The following SMC5 variants were observed in gnomAD, a reference collection of about 807,000 sequenced individuals.
SMC5 encodes structural maintenance of chromosomes 5.
Under a neutral mutation model 148.3 loss-of-function variants are expected in SMC5, and 88 were observed. The ratio of observed to expected loss-of-function variants is 0.59; its 90% CI spans 0.50 to 0.71. The LOEUF (loss-of-function observed/expected upper bound fraction) is 0.71, where lower values mean the gene tolerates loss of function less well. SMC5 is among the 30% of genes least tolerant of loss of function. SMC5 has a pLI of 0.00. For synonymous variants in SMC5, 421 were observed against 432.8 expected, an observed-to-expected ratio of 0.97 and a Z score of 0.34; for missense variants, 1,142 against 1,298.9, an observed-to-expected ratio of 0.88 and a Z score of 1.86.
Position 70,308,437 on chromosome 9 carries a change from C to CA in SMC5, c.1578+3083dup, listed in dbSNP as rs2035563717. Among the ~76,000 whole-genome samples the CA allele has an allele frequency of 5.3e-5, 8 of 151,624 alleles. No individual in the cohort carries two copies. In the South Asian group the frequency reaches 1.5e-3, roughly 28 times the overall value. ...TGAAACCCTGTGTCTACTAAAAATA[C>CA]AAAAAATTAGCCGGGCGTGGTGGCA... On this transcript the variant is annotated intron_variant, in intron 11 of 24. Transcript: ENST00000361138.
At chr9:70,317,788 TTTAAAAA>T (rs1196510199) in intron 13 of SMC5, among the ~76,000 whole-genome samples, 1 of 152,192 alleles carries the variant, frequency 6.6e-6, no homozygotes, top group Non-Finnish European at 1.5e-5. Flanking sequence ...TCTAAAAAAC[TTTAAAAA>T]TAAGAAAAGG....
At chr9:70,286,523 A>G (rs1204071814) in intron 8 of SMC5, among the ~76,000 whole-genome samples, 1 of 152,138 alleles carries the variant, frequency 6.6e-6, no homozygotes, top group African/African-American at 2.4e-5. Flanking sequence ...TTTTAATAGG[A>G]TAATGGTGGA....
intron 8 of SMC5, among the ~76,000 whole-genome samples, chr9:70,290,239 C>G (rs956494349): frequency 2.0e-5 from 3 of 152,118 alleles, no homozygotes; most frequent in African/African-American, 7.2e-5. Context: ...ATAAAGAGTT[C>G]TCTTTTGACT....
At chr9:70,261,321 G>C (rs2034124799) in intron 1 of SMC5, among the ~76,000 whole-genome samples, 1 of 152,178 alleles carries the variant, frequency 6.6e-6, no homozygotes, top group Non-Finnish European at 1.5e-5. Flanking sequence ...GATTTAGAAA[G>C]GGTGCAAGAT....
At chr9:70,309,547 C>G (rs1288370575) in intron 11 of SMC5, among the ~76,000 whole-genome samples, 2 of 151,998 alleles carry the variant, frequency 1.3e-5, no homozygotes, top group East Asian at 3.9e-4. Context: ...AGCAGTGTTC[C>G]CAGCATCTTC....
intron 2 of SMC5, among the ~76,000 whole-genome samples, chr9:70,265,577 A>G (rs2034268709): frequency 6.6e-6 from 1 of 152,242 alleles, no homozygotes; most frequent in Non-Finnish European, 1.5e-5. Context: ...AAAGTCTGTT[A>G]GAATGGAGAA....
intron 22 of SMC5, among the ~76,000 whole-genome samples, chr9:70,348,853 G>A (rs1158820198): frequency 6.6e-6 from 1 of 152,096 alleles, no homozygotes; most frequent in African/African-American, 2.4e-5. Flanking sequence ...ATCCCACTTT[G>A]GGAGGCCAAG....
intron 19 of SMC5, 62 bp downstream of exon 19, chr9:70,346,711 G>C (rs928990633): frequency 6.4e-7 from 1 of 1,572,456 alleles, no homozygotes; most frequent in Non-Finnish European, 8.7e-7. Context: ...CTCCTCCCTA[G>C]CCATTTGCTT....
At position 70,259,084 on chromosome 9, in the gene SMC5, G is replaced by A; in HGVS notation, c.6G>A (p.Ala2=). Residue 2 remains alanine, a synonymous_variant, in exon 1 of 25, where the codon GCG becomes GCA. Coordinates refer to ENST00000361138, the MANE Select transcript of SMC5 (RefSeq NM_015110.4). M[A]TPSKKTSTPS... is the part of the protein sequence containing the mutation. The stretch of plus-strand genomic sequence containing the variant: ...GGGACGCTGAGGAAGCCAGGATGGC[G>A]ACTCCGAGCAAGAAGACGTCAACTC... The A allele has an allele frequency of 1.9e-6, 3 of 1,603,780 alleles. No homozygotes were observed. The highest frequency in any genetic ancestry group is 2.6e-6 in the Non-Finnish European group (3 of 1,174,382).
intron 7 of SMC5, among the ~76,000 whole-genome samples, chr9:70,284,172 C>T (rs1045020741): frequency 6.6e-6 from 1 of 152,134 alleles, no homozygotes; most frequent in East Asian, 1.9e-4. Context: ...GGGAAAAGCT[C>T]CACTATATCT....
intron 4 of SMC5, among the ~76,000 whole-genome samples, chr9:70,277,962 TTGAA>T (rs2034638049): frequency 6.6e-6 from 1 of 152,052 alleles, no homozygotes; most frequent in African/African-American, 2.4e-5. Context: ...AAATTTGACT[TTGAA>T]TGCTGTCTAG....
At position 70,354,635 on chromosome 9, in the gene SMC5, A is replaced by C. The variant is rs770372277; in HGVS notation, c.*2304A>C. On this transcript the variant is annotated 3_prime_UTR_variant, in exon 25 of 25. Transcript: ENST00000361138. ...AAGGTGACAAGCATTTTCTATGCCT[A>C]AATCTTCATTGGTTTGCCTGGAAAG... 6.6e-6 allele frequency: 1 copy of C among 152,230 alleles called. No homozygotes were observed. Among genetic ancestry groups the C allele is most frequent in the Non-Finnish European group, 1.5e-5 (1 of 68,048 alleles). The allele number at this position is 152,230 out of a possible 1,614,324, so 9.4% of individuals were successfully genotyped here.
rs1003487207 is a variant in SMC5, at chr9:70,259,739, G to T, written c.185+476G>T. Reference sequence around the variant, plus strand: ...GGTTGTTCGGGAATGGAGGTTACAGGTACAAAAAAATTAAACACTTACTGG... The same window carrying T: ...GGTTGTTCGGGAATGGAGGTTACAGTTACAAAAAAATTAAACACTTACTGG... On this transcript the variant is annotated intron_variant, in intron 1 of 24. Coordinates refer to ENST00000361138, the MANE Select transcript of SMC5 (RefSeq NM_015110.4). Among the ~76,000 whole-genome samples, 4 of 152,052 alleles carry T rather than the reference G, an allele frequency of 2.6e-5. No homozygotes were observed. In the East Asian group the frequency reaches 7.7e-4, roughly 29 times the overall value.
At chr9:70,323,753 T>C (rs1767536879) in intron 16 of SMC5, 147 bp downstream of exon 16, 1 of 967,328 alleles carries the variant, frequency 1.0e-6, no homozygotes, top group South Asian at 1.8e-5. Context: ...CAGTTTCAGC[T>C]TGCTTAGTTG....
At chr9:70,323,750 A>T in intron 16 of SMC5, 144 bp downstream of exon 16, 1 of 1,012,900 alleles carries the variant, frequency 9.9e-7, no homozygotes, top group Non-Finnish European at 1.4e-6. Flanking sequence ...CATCAGTTTC[A>T]GCTTGCTTAG....
chr9:70,297,028 G>C (rs2035220558), intron 8 of SMC5, among the ~76,000 whole-genome samples: 1 of 150,056 alleles, frequency 6.7e-6, no homozygotes, highest in Non-Finnish European at 1.5e-5. Flanking sequence ...TTCTGTTTCA[G>C]ATTACAGGTT....
At chr9:70,267,689 G>A (rs1205043511) in intron 2 of SMC5, among the ~76,000 whole-genome samples, 3 of 152,166 alleles carry the variant, frequency 2.0e-5, no homozygotes, top group African/African-American at 7.2e-5. Context: ...AAGAGGCTAT[G>A]GAGTGCATAG....
intron 15 of SMC5, among the ~76,000 whole-genome samples, chr9:70,323,071 G>A (rs2035989369): frequency 6.6e-6 from 1 of 152,130 alleles, no homozygotes; most frequent in Non-Finnish European, 1.5e-5. Context: ...TCTCTTCGAG[G>A]CAACATGGTG....
rs777238105 is a variant in SMC5 at position 70,280,808 on chromosome 9, A to G, written c.728A>G (p.Asn243Ser). 2.5e-6 allele frequency: 4 copies of G among 1,613,710 alleles called. No homozygotes were observed. The highest frequency in any genetic ancestry group is 1.7e-4 in the Middle Eastern group (1 of 6,056). Reference protein sequence around the residue: ...TEYLQKMVQRNERYKQDVERF... With the variant: ...TEYLQKMVQRSERYKQDVERF... ...TATCTACAGAAAATGGTTCAGAGGA[A>G]TGAAAGATATAAACAAGATGTGGAG... Residue 243 changes from asparagine (N) to serine (S), a missense_variant, in exon 6 of 25, where the codon AAT becomes AGT. Coordinates refer to ENST00000361138, the MANE Select transcript of SMC5 (RefSeq NM_015110.4).
Sources: allele counts gnomAD v4.1 joint callset (sites outside exome capture counted in the v4.1 genomes callset), GRCh38; gene constraint gnomAD v4.1.1; transcripts MANE v1.5; gene names NCBI Gene and HGNC (gene_info 2026-07-23, HGNC 2026-07-21).